Variants in KCNH1 observed in about 807,000 individuals in gnomAD.
KCNH1 encodes voltage-gated delayed rectifier potassium channel KCNH1.
In KCNH1, 27 loss-of-function variants were observed where a neutral mutation model predicts 69.2. The ratio of observed to expected loss-of-function variants is 0.39; its 90% CI spans 0.29 to 0.54. The LOEUF (loss-of-function observed/expected upper bound fraction) is 0.54. Ranked by LOEUF, KCNH1 falls within the 20% of genes least tolerant of loss-of-function variation. The pLI is 0.68. For missense variants in KCNH1, 798 were observed against 1,261.6 expected (o/e 0.63, Z 5.57); for synonymous variants, 456 against 487.7 (o/e 0.93, Z 0.86).
intron 10 of KCNH1, 50 bp downstream of exon 10, chr1:210,775,298 A>C: frequency 2.7e-6 from 4 of 1,504,706 alleles, no homozygotes; most frequent in Non-Finnish European, 3.7e-6. Flanking sequence ...GATTATCCAA[A>C]GTGTACAGAG....
chr1:211,091,248 C>A (rs568249443), intron 3 of KCNH1, among the ~76,000 whole-genome samples: 8 of 152,146 alleles, frequency 5.3e-5, no homozygotes, highest in Non-Finnish European at 1.2e-4. Flanking sequence ...ATGGTGCAAT[C>A]TTGGCTCACT....
intron 6 of KCNH1, among the ~76,000 whole-genome samples, chr1:210,931,457 G>A (rs1687678910): frequency 6.6e-6 from 1 of 152,134 alleles, no homozygotes; most frequent in Non-Finnish European, 1.5e-5. Context: ...ACATGTGGGA[G>A]CTAAACTATG....
chr1:211,078,692 C>T (rs1690785261), intron 5 of KCNH1, among the ~76,000 whole-genome samples: 1 of 152,068 alleles, frequency 6.6e-6, no homozygotes, highest in South Asian at 2.1e-4. Flanking sequence ...GACATCCTAA[C>T]ATCACAATTA....
chr1:210,980,233 A>T (rs761103404), intron 6 of KCNH1, among the ~76,000 whole-genome samples: 29 of 152,144 alleles, frequency 1.9e-4, no homozygotes, highest in Non-Finnish European at 4.0e-4. Context: ...TCAACTACAA[A>T]CCTGATCCCC....
intron 7 of KCNH1, among the ~76,000 whole-genome samples, chr1:210,807,982 A>G (rs919500770): frequency 1.3e-5 from 2 of 152,238 alleles, no homozygotes; most frequent in African/African-American, 2.4e-5. Flanking sequence ...CAATCTGAAC[A>G]AAAGGAGCCG....
chr1:210,906,435 C>T (rs971991661), intron 7 of KCNH1, among the ~76,000 whole-genome samples: 1 of 152,166 alleles, frequency 6.6e-6, no homozygotes, highest in East Asian at 1.9e-4. Flanking sequence ...TGACTCCTCC[C>T]AGACTCAGCT....
intron 10 of KCNH1, among the ~76,000 whole-genome samples, chr1:210,690,893 T>C (rs1332196978): frequency 6.6e-6 from 1 of 152,044 alleles, no homozygotes; most frequent in Non-Finnish European, 1.5e-5. Context: ...AAACTCACAG[T>C]GTAAGCACAA....
At chr1:210,863,178 G>C (rs933450233) in intron 7 of KCNH1, among the ~76,000 whole-genome samples, 1 of 152,134 alleles carries the variant, frequency 6.6e-6, no homozygotes, top group Non-Finnish European at 1.5e-5. Flanking sequence ...AGAAAGGCTT[G>C]GTCTGCTTTA....
chr1:210,841,452 A>T (rs1257297682), intron 7 of KCNH1, among the ~76,000 whole-genome samples: 1 of 152,194 alleles, frequency 6.6e-6, no homozygotes, highest in Non-Finnish European at 1.5e-5. Context: ...TGAATTTTAG[A>T]ATATGATTCA....
intron 7 of KCNH1, among the ~76,000 whole-genome samples, chr1:210,883,606 C>A (rs1686541267): frequency 6.6e-6 from 1 of 152,182 alleles, no homozygotes; most frequent in African/African-American, 2.4e-5. Flanking sequence ...TCTTTGCATC[C>A]CAGCCAGCCT....
At chr1:211,129,499 G>T (rs1003925556) in intron 1 of KCNH1, among the ~76,000 whole-genome samples, 2 of 152,192 alleles carry the variant, frequency 1.3e-5, no homozygotes, top group Admixed American at 6.5e-5. Flanking sequence ...AAATGACAAG[G>T]CTTCAGCTTC....
At position 210,683,144 on chromosome 1, in the gene KCNH1, C is replaced by A. The variant is rs1681312859; in HGVS notation, c.*137G>T. On this transcript the variant is annotated 3_prime_UTR_variant, in exon 11 of 11. Transcript: ENST00000271751. This position sits in a 1 kb window ranked among gnomAD's most constrained non-coding sequence, Gnocchi z 5.7. Reference sequence around the variant, plus strand: ...TTTTCCAGATAGAGAAAGAGCACGTCTAAGCCACTGGCCCCACTTTTTCTG... The same window carrying A: ...TTTTCCAGATAGAGAAAGAGCACGTATAAGCCACTGGCCCCACTTTTTCTG... The A allele has an allele frequency of 5.9e-6, 5 of 848,224 alleles. No individual in the cohort carries two copies. The highest frequency in any genetic ancestry group is 9.3e-6 in the Non-Finnish European group (5 of 539,678). The allele number at this position is 848,224 out of a possible 1,614,324, so 52.5% of individuals were successfully genotyped here.
chr1:210,816,538 C>T (rs1323313572), intron 7 of KCNH1, among the ~76,000 whole-genome samples: 1 of 152,148 alleles, frequency 6.6e-6, no homozygotes, highest in Non-Finnish European at 1.5e-5. Flanking sequence ...GCTACTTTTA[C>T]TTATTTTGAG....
chr1:210,862,596 A>T (rs1266702622), intron 7 of KCNH1, among the ~76,000 whole-genome samples: 2 of 152,294 alleles, frequency 1.3e-5, no homozygotes, highest in East Asian at 3.9e-4. Context: ...AGCCTCCCAA[A>T]GTGCTGGATT....
intron 7 of KCNH1, among the ~76,000 whole-genome samples, chr1:210,854,645 C>T (rs1685792533): frequency 6.6e-6 from 1 of 152,200 alleles, no homozygotes; most frequent in South Asian, 2.1e-4. Flanking sequence ...AGGGCTGGCC[C>T]ATCAAAGGTG....
At chr1:210,687,742 G>C (rs1334202041) in intron 10 of KCNH1, among the ~76,000 whole-genome samples, 7 of 152,224 alleles carry the variant, frequency 4.6e-5, no homozygotes, top group Non-Finnish European at 7.3e-5. Context: ...AGGCAGCCAT[G>C]ACCACGCATT....
chr1:211,123,373 G>A (rs1237851022), intron 1 of KCNH1, among the ~76,000 whole-genome samples: 1 of 152,186 alleles, frequency 6.6e-6, no homozygotes, highest in Non-Finnish European at 1.5e-5. Context: ...TGAGTAAATG[G>A]AGAAAACTGG....
At position 211,007,988 on chromosome 1, in the gene KCNH1, T is replaced by C. The variant is rs148343210; in HGVS notation, c.1032+10795A>G. Among the ~76,000 whole-genome samples the C allele has an allele frequency of 2.1e-3, 314 of 152,310 alleles. 1 individual carries two copies. The highest frequency in any genetic ancestry group is 3.7e-3 in the Non-Finnish European group (252 of 68,036). On this transcript the variant is annotated intron_variant, in intron 6 of 10. Coordinates refer to ENST00000271751, the MANE Select transcript of KCNH1 (RefSeq NM_172362.3). ...GGTAAAGCTGCTATGCAAAACAGTA[T>C]AGTAGTTCCCTAAGAAACTAAAAAT...
intron 5 of KCNH1, among the ~76,000 whole-genome samples, chr1:211,038,788 C>T (rs1689943152): frequency 6.6e-6 from 1 of 152,114 alleles, no homozygotes; most frequent in Admixed American, 6.6e-5. Flanking sequence ...AATTTCTAAG[C>T]AGTAAAGCAT....
Sources: gnomAD v4.1 joint callset for allele counts (sites outside exome capture counted in the v4.1 genomes callset) on GRCh38, gnomAD v4.1.1 for gene constraint, Gnocchi (gnomAD v3.1) non-coding constraint, MANE v1.5 for transcripts, NCBI Gene and HGNC (gene_info 2026-07-23, HGNC 2026-07-21) for gene names.